SLC66A1: variants seen among roughly 807,000 people sequenced by gnomAD.
The protein encoded by SLC66A1 is solute carrier family 66 member 1, also known as lysosomal amino acid transporter 1 homolog.
SLC66A1 carries 23 observed loss-of-function variants against 33.0 expected under a neutral mutation model. The observed-to-expected ratio is 0.70, with a 90% confidence interval of 0.50 to 0.99. The LOEUF (loss-of-function observed/expected upper bound fraction) is 0.99. Among genes scored for constraint, SLC66A1 ranks in the 50% least tolerant of loss-of-function variants. SLC66A1 has a pLI of 0.00. For missense variants in SLC66A1, 335 were observed against 383.6 expected (o/e 0.87, Z 1.06); for synonymous variants, 164 against 175.5 (o/e 0.93, Z 0.52).
At chr1:19,316,347 TATGG>T (rs2093805215) in intron 1 of SLC66A1, among the ~76,000 whole-genome samples, 1 of 142,584 alleles carries the variant, frequency 7.0e-6, no homozygotes, top group African/African-American at 2.6e-5. Flanking sequence ...GGCAACTCTT[TATGG>T]TTTGTGTGTG....
intron 2 of SLC66A1, among the ~76,000 whole-genome samples, chr1:19,323,311 G>A (rs1463274156): frequency 6.6e-6 from 1 of 152,194 alleles, no homozygotes; most frequent in African/African-American, 2.4e-5. Context: ...GGAGGCAGGT[G>A]GAAGGACTCG....
chr1:19,323,085 C>T (rs1273369190), intron 2 of SLC66A1, among the ~76,000 whole-genome samples: 1 of 151,976 alleles, frequency 6.6e-6, no homozygotes, highest in East Asian at 1.9e-4. Flanking sequence ...TGCTGTGTTG[C>T]CCAGGCTGGT....
chr1:19,314,901 T>G (rs553864787), intron 1 of SLC66A1, among the ~76,000 whole-genome samples: 15 of 151,926 alleles, frequency 9.9e-5, no homozygotes, highest in East Asian at 3.9e-4. Context: ...ATGGTTTTTT[T>G]TTTGTTTGTT....
chr1:19,328,558 G>C lies in SLC66A1; in HGVS notation c.805-14G>C. ...AGTCTCTGCTCAGCTTGGCCTTAAC[G>C]GCGGCACCCCCAGATCTCCATCCAG... On this transcript the variant is annotated splice_polypyrimidine_tract_variant and intron_variant, in intron 7 of 7. Coordinates refer to ENST00000375153, the MANE Select transcript of SLC66A1 (RefSeq NM_001040125.2). The surrounding 1 kb of genome is among the most constrained non-coding windows in gnomAD (Gnocchi z 4.7). 5.0e-6 allele frequency: 8 copies of C among 1,611,946 alleles called. No homozygotes were observed. In the South Asian group the frequency reaches 8.8e-5, roughly 18 times the overall value.
chr1:19,330,805 TAGAG>T (rs2093890257), downstream of SLC66A1, among the ~76,000 whole-genome samples: 1 of 151,990 alleles, frequency 6.6e-6, no homozygotes, highest in Admixed American at 6.6e-5. Context: ...AGCCTTTTGC[TAGAG>T]AGAGGAGGCA....
chr1:19,331,098 G>A (rs1032482592), downstream of SLC66A1, among the ~76,000 whole-genome samples: 5 of 152,114 alleles, frequency 3.3e-5, no homozygotes, highest in Non-Finnish European at 5.9e-5. Flanking sequence ...TGCAACCTCC[G>A]CCTCCCGGGT....
At chr1:19,327,525 ATCCATCCCTCCCTCCC>A (rs2093874840) in intron 7 of SLC66A1, 113 bp downstream of exon 7, 1 of 613,956 alleles carries the variant, frequency 1.6e-6, no homozygotes, top group Non-Finnish European at 2.5e-6. Flanking sequence ...CCGTCCATCC[ATCCATCCCTCCCTCCC>A]TCCCTCCCTC....
intron 4 of SLC66A1, 54 bp downstream of exon 4, chr1:19,325,636 TGTGGG>T: frequency 5.3e-6 from 2 of 374,856 alleles, no homozygotes; most frequent in Non-Finnish European, 9.7e-6. Flanking sequence ...AGGGGGCAGT[TGTGGG>T]GGGGGGCGCC....
Position 19,326,305 on chromosome 1 carries a change from T to C in SLC66A1, c.443T>C (p.Leu148Pro). 4 of 1,607,096 alleles carry C rather than the reference T, an allele frequency of 2.5e-6. No homozygotes were observed. The highest frequency in any genetic ancestry group is 3.4e-6 in the Non-Finnish European group (4 of 1,179,906). ...FLMGMACATPLLSAAGPVAAP... is the reference protein window; with the variant it reads ...FLMGMACATPPLSAAGPVAAP... Reference sequence around the variant, plus strand: ...ATGGGGATGGCGTGCGCCACACCGCTGCTGAGTGCTGCTGGGCCCGTGGCT... The same window carrying C: ...ATGGGGATGGCGTGCGCCACACCGCCGCTGAGTGCTGCTGGGCCCGTGGCT... The change falls in exon 5 of 8, where the codon CTG becomes CCG. Residue 148 changes from leucine to proline, a missense_variant. By Grantham distance (98) the Leu-to-Pro change is moderately conservative (BLOSUM62 -3). Coordinates refer to ENST00000375153, the MANE Select transcript of SLC66A1 (RefSeq NM_001040125.2).
chr1:19,331,040 CTT>C (rs2093891001), downstream of SLC66A1, among the ~76,000 whole-genome samples: 1 of 152,180 alleles, frequency 6.6e-6, no homozygotes, highest in South Asian at 2.1e-4. Flanking sequence ...GACACAGAGT[CTT>C]GCTCTGCCGC....
chr1:19,327,095 C>G, intron 6 of SLC66A1, 132 bp from the exon 7 acceptor site: 1 of 950,650 alleles, frequency 1.1e-6, no homozygotes, highest in South Asian at 1.6e-5. Flanking sequence ...GGGCCCATAT[C>G]CCTGGGCACC....
In SLC66A1 at chr1:19,318,957, C is replaced by T. The variant is rs190269531; in HGVS notation, c.164+1116C>T. 3.9e-5 allele frequency among the ~76,000 whole-genome samples: 6 copies of T among 152,124 alleles called. No homozygotes were observed. In the East Asian group the frequency reaches 5.8e-4, roughly 15 times the overall value. ...CAGATGTACAGAGAAGGGGCAGCTGCGTTTATATAGTGGACAGAGTGTGTG... is the reference window on the plus strand; with the variant it reads ...CAGATGTACAGAGAAGGGGCAGCTGTGTTTATATAGTGGACAGAGTGTGTG... On this transcript the variant is annotated intron_variant, in intron 2 of 7. Transcript: ENST00000375153.
intron 7 of SLC66A1, chr1:19,327,723 C>T: frequency 1.9e-6 from 1 of 538,546 alleles, no homozygotes; most frequent in Non-Finnish European, 3.7e-6. Flanking sequence ...GCAGTGGCAC[C>T]AAGTGCTGCA....
rs1369014937 is a variant in SLC66A1 at position 19,327,186 on chromosome 1, G to GGCCT, written c.619-39_619-36dup. ...ACAGTTACAATCCAGAGTGACAAGA[G>GGCCT]GCCTGTTCGAGGTCTCTGACCTGAC... On this transcript the variant is annotated intron_variant, in intron 6 of 7. Coordinates refer to ENST00000375153, the MANE Select transcript of SLC66A1 (RefSeq NM_001040125.2). The GGCCT allele has an allele frequency of 1.9e-6, 3 of 1,539,348 alleles. No homozygotes were observed. The Admixed American group carries it at 5.1e-5, about 26-fold the overall frequency.
At chr1:19,316,353 TTGTGTGTGTGTGTGTGTGTGTGTGTG>T (rs36226389) in intron 1 of SLC66A1, among the ~76,000 whole-genome samples, 1 of 144,818 alleles carries the variant, frequency 6.9e-6, no homozygotes, top group African/African-American at 2.6e-5. Flanking sequence ...TCTTTATGGT[TTGTGTGTGTGTGTGTGTGTGTGTGTG>T]TGTGTGTGTG....
At chr1:19,325,634 G>GT (rs113123686) in intron 4 of SLC66A1, 52 bp downstream of exon 4, 55 of 561,344 alleles carry the variant, frequency 9.8e-5, no homozygotes, top group Admixed American at 2.2e-4. Flanking sequence ...GCAGGGGGCA[G>GT]TTGTGGGGGG....
downstream of SLC66A1, among the ~76,000 whole-genome samples, chr1:19,329,539 G>A (rs1006904238): frequency 1.3e-5 from 2 of 152,228 alleles, no homozygotes; most frequent in South Asian, 4.1e-4. Context: ...CCCACGGGGA[G>A]CCTGCCCCTC....
chr1:19,327,251 A>T lies in SLC66A1; in HGVS notation c.643A>T (p.Ile215Phe). 6.2e-7 allele frequency: 1 copy of T among 1,613,744 alleles called. No homozygotes were observed. The highest frequency in any genetic ancestry group is 8.5e-7 in the Non-Finnish European group (1 of 1,179,876). Reference protein sequence around the residue: ...TNFLRKSTQGISYSLFALVML... With the variant: ...TNFLRKSTQGFSYSLFALVML... ...GTTCCTCCGGAAGTCCACCCAGGGG[A>T]TCTCCTACTCTCTGTTCGCGCTGGT... The change falls in exon 7 of 8, where the codon ATC becomes TTC. Residue 215 changes from isoleucine to phenylalanine, a missense_variant. Physicochemically the swap from Ile to Phe is conservative, Grantham distance 21. Transcript: ENST00000375153.
intron 2 of SLC66A1, among the ~76,000 whole-genome samples, chr1:19,320,547 G>A (rs1483647118): frequency 6.6e-6 from 1 of 151,390 alleles, no homozygotes; most frequent in East Asian, 1.9e-4. Flanking sequence ...CCGAGTAGCT[G>A]GGACTACAGG....
Sources: gnomAD v4.1 joint callset for allele counts (sites outside exome capture counted in the v4.1 genomes callset) on GRCh38, gnomAD v4.1.1 for gene constraint, Gnocchi (gnomAD v3.1) non-coding constraint, MANE v1.5 for transcripts, NCBI Gene and HGNC (gene_info 2026-07-23, HGNC 2026-07-21) for gene names.